ARMC9: variants seen among roughly 807,000 people sequenced by gnomAD.
ARMC9 encodes lisH domain-containing protein ARMC9.
Under a neutral mutation model 107.0 loss-of-function variants are expected in ARMC9, and 94 were observed. That is an observed-to-expected ratio of 0.88 (90% CI 0.74 to 1.04). The LOEUF is 1.04. Ranked by LOEUF, ARMC9 falls within the 50% of genes least tolerant of loss-of-function variation. The pLI, the probability that ARMC9 is intolerant of heterozygous loss-of-function variation, is 0.00. For synonymous variants in ARMC9, 380 were observed against 396.9 expected (o/e 0.96, Z 0.51); for missense variants, 942 against 1,030.1 (o/e 0.91, Z 1.17).
chr2:231,278,401 G>T lies in ARMC9; in HGVS notation c.1494G>T (p.Lys498Asn). The change falls in exon 16 of 25, where the codon AAG becomes AAT. Residue 498 changes from lysine (K) to asparagine (N), a missense_variant. Lys to Asn is a moderately conservative substitution (Grantham distance 94). Coordinates refer to ENST00000611582, the MANE Select transcript of ARMC9 (RefSeq NM_001352754.2). ...LRSTGKNMCAKVAGLVLKVLS... is the reference protein window; with the variant it reads ...LRSTGKNMCANVAGLVLKVLS... The stretch of plus-strand genomic sequence containing the variant: ...CCATAGGGAAGAACATGTGTGCCAA[G>T]GTGGCAGGCCTCGTGCTCAAAGTCC... 1 of 1,614,174 alleles carries T rather than the reference G, an allele frequency of 6.2e-7. No individual in the cohort carries two copies. Among genetic ancestry groups the T allele is most frequent in the East Asian group, 2.2e-5 (1 of 44,884 alleles).
chr2:231,200,000 T>G (rs2030554960), intron 1 of ARMC9, among the ~76,000 whole-genome samples: 1 of 152,174 alleles, frequency 6.6e-6, no homozygotes, highest in Non-Finnish European at 1.5e-5. Flanking sequence ...GCCTGGCCAA[T>G]TCTGTAATTT....
intron 19 of ARMC9, among the ~76,000 whole-genome samples, chr2:231,318,976 A>C (rs899741638): frequency 6.6e-6 from 1 of 152,144 alleles, no homozygotes; most frequent in Non-Finnish European, 1.5e-5. Context: ...CAGAGGGAAG[A>C]GCAAGTGGCA....
chr2:231,310,529 A>G (rs1278911392), intron 19 of ARMC9, among the ~76,000 whole-genome samples: 23 of 147,222 alleles, frequency 1.6e-4, no homozygotes, highest in East Asian at 6.3e-4. Flanking sequence ...TCGGGAGTTC[A>G]CGACCAGCCT....
At position 231,352,206 on chromosome 2, in the gene ARMC9, C is replaced by T. The variant is rs551060574; in HGVS notation, c.1995-3592C>T. Among the ~76,000 whole-genome samples the T allele has an allele frequency of 8.8e-4, 134 of 152,212 alleles. 1 individual carries two copies. Among genetic ancestry groups the T allele is most frequent in the Non-Finnish European group, 1.7e-3 (119 of 68,018 alleles). ...TGAACTCCTGAGTTCAAGCAATCCT[C>T]CTACCTCAGCCTTCCAAAGTGCTGG... On this transcript the variant is annotated intron_variant, in intron 21 of 24. Coordinates refer to ENST00000611582, the MANE Select transcript of ARMC9 (RefSeq NM_001352754.2).
rs751967208 is a variant in ARMC9 at position 231,362,439 on chromosome 2, C to T, written c.2261+1556C>T. ...CTCCACTGGGGACAGCCCTCTCTCC[C>T]CAGAAATAACTGTTTTCACAGTAGG... On this transcript the variant is annotated intron_variant, in intron 23 of 24. Coordinates refer to ENST00000611582, the MANE Select transcript of ARMC9 (RefSeq NM_001352754.2). This position sits in a 1 kb window ranked among gnomAD's most constrained non-coding sequence, Gnocchi z 4.7. Among the ~76,000 whole-genome samples the T allele has an allele frequency of 2.0e-5, 3 of 151,876 alleles. No individual in the cohort carries two copies. Among genetic ancestry groups the T allele is most frequent in the Non-Finnish European group, 2.9e-5 (2 of 67,998 alleles).
At chr2:231,263,433 T>C (rs1037556951) in intron 12 of ARMC9, among the ~76,000 whole-genome samples, 2 of 152,240 alleles carry the variant, frequency 1.3e-5, no homozygotes, top group Non-Finnish European at 2.9e-5. Context: ...GAAGTGAGCG[T>C]GCAAGTCAGA....
Position 231,358,385 on chromosome 2 carries a change from G to C in ARMC9, c.2132-2369G>C, listed in dbSNP as rs2045427411. On this transcript the variant is annotated intron_variant, in intron 22 of 24. Transcript: ENST00000611582. This position sits in a 1 kb window ranked among gnomAD's most constrained non-coding sequence, Gnocchi z 4.5. ...TTGATTGATTGATTGATTGATTGTAGAGAGAGGTGTCTCTCTGTGCTGCCC... is the reference window on the plus strand; with the variant it reads ...TTGATTGATTGATTGATTGATTGTACAGAGAGGTGTCTCTCTGTGCTGCCC... Among the ~76,000 whole-genome samples, 1 of 138,102 alleles carries C rather than the reference G, an allele frequency of 7.2e-6. No homozygotes were observed. Among genetic ancestry groups the C allele is most frequent in the Non-Finnish European group, 1.5e-5 (1 of 67,552 alleles). 90.6% of individuals were successfully genotyped at this position (138,102 alleles called of 152,430 possible).
rs186300192 is a variant in ARMC9 at position 231,335,924 on chromosome 2, T to A, written c.1878+4027T>A. 4.5e-3 allele frequency among the ~76,000 whole-genome samples: 687 copies of A among 151,970 alleles called. 4 individuals are homozygous for A. Among genetic ancestry groups the A allele is most frequent in the Admixed American group, 9.3e-3 (142 of 15,272 alleles). On this transcript the variant is annotated intron_variant, in intron 20 of 24. Coordinates refer to ENST00000611582, the MANE Select transcript of ARMC9 (RefSeq NM_001352754.2). ...AACCTTGTCTTTCCTAAAATTTTTTTAAAAATTAGCCAGGTATGGTGGCAC... is the reference window on the plus strand; with the variant it reads ...AACCTTGTCTTTCCTAAAATTTTTTAAAAAATTAGCCAGGTATGGTGGCAC...
intron 18 of ARMC9, chr2:231,295,534 T>C (rs2041300832): frequency 1.3e-5 from 2 of 152,320 alleles, no homozygotes; most frequent in South Asian, 4.2e-4. Flanking sequence ...CCGACAACCC[T>C]GAGAAGTGGC....
intron 17 of ARMC9, among the ~76,000 whole-genome samples, chr2:231,285,221 G>T (rs146506250): frequency 1.2e-3 from 180 of 151,950 alleles, no homozygotes; most frequent in African/African-American, 4.3e-3. Context: ...AAATTATAGC[G>T]GTCTTGGTCA....
intron 10 of ARMC9, among the ~76,000 whole-genome samples, chr2:231,258,418 T>C (rs1196021491): frequency 6.6e-6 from 1 of 152,004 alleles, no homozygotes; most frequent in African/African-American, 2.4e-5. Context: ...TGACCTTAGG[T>C]GATCCACCCG....
intron 10 of ARMC9, 78 bp from the exon 11 acceptor site, chr2:231,258,913 G>T (rs2038086871): frequency 1.6e-6 from 2 of 1,285,474 alleles, no homozygotes; most frequent in African/African-American, 2.9e-5. Context: ...TCTAGCTTGG[G>T]TGTCATAATG....
At chr2:231,280,648 A>T (rs1039968724) in intron 16 of ARMC9, among the ~76,000 whole-genome samples, 1 of 152,192 alleles carries the variant, frequency 6.6e-6, no homozygotes, top group African/African-American at 2.4e-5. Flanking sequence ...CTATATGAAC[A>T]TTACATTTTT....
chr2:231,308,026 G>A (rs2042127165), intron 19 of ARMC9, among the ~76,000 whole-genome samples: 1 of 152,228 alleles, frequency 6.6e-6, no homozygotes, highest in Non-Finnish European at 1.5e-5. Flanking sequence ...GCAAGGGTGG[G>A]AGACAAAGCT....
intron 18 of ARMC9, chr2:231,295,818 A>C (rs555159881): frequency 1.5e-4 from 23 of 156,122 alleles, no homozygotes; most frequent in Admixed American, 9.1e-4. Flanking sequence ...CCTCTCTGTA[A>C]AATGGGGGAT....
chr2:231,290,116 C>T (rs2040884339), intron 17 of ARMC9, among the ~76,000 whole-genome samples: 1 of 152,176 alleles, frequency 6.6e-6, no homozygotes, highest in Non-Finnish European at 1.5e-5. Context: ...ACCAGTTATA[C>T]ACTTTGTCTT....
intron 9 of ARMC9, among the ~76,000 whole-genome samples, chr2:231,253,774 G>T (rs1288015760): frequency 6.6e-6 from 1 of 152,132 alleles, no homozygotes; most frequent in Non-Finnish European, 1.5e-5. Context: ...AAGGATAGAT[G>T]TATACCTAGC....
Position 231,240,012 on chromosome 2 carries a change from C to T in ARMC9, c.850C>T (p.His284Tyr). 1 of 1,613,830 alleles carries T rather than the reference C, an allele frequency of 6.2e-7. No homozygotes were observed. The change falls in exon 9 of 25, where the codon CAT (histidine) becomes TAT (tyrosine). Residue 284 changes from histidine (H) to tyrosine (Y), a missense_variant. Coordinates refer to ENST00000611582, the MANE Select transcript of ARMC9 (RefSeq NM_001352754.2). ...TAACCAGATGCGGCAGAGCCTGGCG[C>T]ATAGTGTGGACTTCACGAGGCCTGG... is the stretch of plus-strand genomic sequence containing the variant. Reference protein sequence around the residue: ...FSNQMRQSLAHSVDFTRPGTA... With the variant: ...FSNQMRQSLAYSVDFTRPGTA...
chr2:231,248,732 G>A (rs576402118), intron 9 of ARMC9, among the ~76,000 whole-genome samples: 79 of 151,072 alleles, frequency 5.2e-4, no homozygotes, highest in Non-Finnish European at 9.3e-4. Context: ...GCTTGAACCC[G>A]GGAGGCGGAG....
Sources: gnomAD v4.1 joint callset for allele counts (sites outside exome capture counted in the v4.1 genomes callset) on GRCh38, gnomAD v4.1.1 for gene constraint, Gnocchi (gnomAD v3.1) non-coding constraint, MANE v1.5 for transcripts, NCBI Gene and HGNC (gene_info 2026-07-23, HGNC 2026-07-21) for gene names.